The following STARD8 variants were observed in gnomAD, a reference collection of about 807,000 sequenced individuals.
STARD8 encodes the protein StAR related lipid transfer domain containing 8.
Under a neutral mutation model 69.4 loss-of-function variants are expected in STARD8, and 25 were observed. That is an observed-to-expected ratio of 0.36 (90% CI 0.26 to 0.50). The LOEUF is 0.50. Among genes scored for constraint, STARD8 ranks in the 20% least tolerant of loss-of-function variants. The pLI, the probability that STARD8 is intolerant of heterozygous loss-of-function variation, is 0.96. For missense variants in STARD8, 921 were observed against 932.5 expected, an observed-to-expected ratio of 0.99 and a Z score of 0.16; for synonymous variants, 389 against 374.6, an observed-to-expected ratio of 1.04 and a Z score of -0.45.
chrX:68,666,215 T>C (rs925596681), intron 2 of STARD8, among the ~76,000 whole-genome samples: 1 of 111,648 alleles, frequency 9.0e-6, no homozygotes, highest in African/African-American at 3.3e-5. Context: ...GAAAGAAGGC[T>C]ACTGGCCAGG....
intron 1 of STARD8, among the ~76,000 whole-genome samples, chrX:68,658,801 A>G (rs891426026): frequency 8.9e-6 from 1 of 112,718 alleles, no homozygotes; most frequent in Non-Finnish European, 1.9e-5. Context: ...CCTCAACTCC[A>G]TCCCTCTGGG....
chrX:68,657,149 A>G (rs915628605), intron 1 of STARD8, among the ~76,000 whole-genome samples: 1 of 112,148 alleles, frequency 8.9e-6, no homozygotes, highest in East Asian at 2.8e-4. Flanking sequence ...AGGGGCACAT[A>G]GTAAGCATTG....
At position 68,720,114 on chromosome X, in the gene STARD8, G is replaced by T. The variant is rs2080133758; in HGVS notation, c.1890-150G>T. 6.5e-6 allele frequency: 4 copies of T among 619,688 alleles called. No individual in the cohort carries two copies. In the East Asian group the frequency reaches 1.7e-4, roughly 27 times the overall value. The allele number at this position is 619,688 out of a possible 1,213,427, so 51.1% of individuals were successfully genotyped here. A position where few individuals can be genotyped will look rare whatever the true frequency, so the allele number is the denominator to read the frequency against. The stretch of plus-strand genomic sequence containing the variant: ...CTGTGTTCCTCTGTGACTCCCTGGG[G>T]CTGGGCCCAAAACAGGTGCTCAATG... On this transcript the variant is annotated intron_variant, in intron 7 of 14. Coordinates refer to ENST00000374599, the MANE Select transcript of STARD8 (RefSeq NM_001142503.3).
chrX:68,684,839 T>C (rs1240565717), intron 2 of STARD8, among the ~76,000 whole-genome samples: 3 of 112,681 alleles, frequency 2.7e-5, no homozygotes, highest in African/African-American at 6.5e-5. Flanking sequence ...TCTGCCTTGG[T>C]TCTGAAACAA....
At position 68,723,710 on chromosome X, in the gene STARD8, C is replaced by A; in HGVS notation, c.2884C>A (p.Arg962=). The change falls in exon 13 of 15, where the codon CGG becomes AGG. Residue 962 remains arginine (R), a synonymous_variant. Coordinates refer to ENST00000374599, the MANE Select transcript of STARD8 (RefSeq NM_001142503.3). ...PPAVVLHRVL[R]ERALWDEDLL... Reference sequence around the variant, plus strand: ...AGCTGTGGTGCTGCATCGTGTTCTCCGGGAGCGGGCCCTCTGGGATGAGGA... The same window carrying A: ...AGCTGTGGTGCTGCATCGTGTTCTCAGGGAGCGGGCCCTCTGGGATGAGGA... 1 of 1,194,532 alleles carries A rather than the reference C, an allele frequency of 8.4e-7. No individual in the cohort carries two copies. Among genetic ancestry groups the A allele is most frequent in the Non-Finnish European group, 1.1e-6 (1 of 886,705 alleles).
At chrX:68,651,519 G>C (rs1048766839) in intron 1 of STARD8, among the ~76,000 whole-genome samples, 2 of 112,127 alleles carry the variant, frequency 1.8e-5, no homozygotes, top group African/African-American at 6.5e-5. Flanking sequence ...GAGTGCGGGA[G>C]ACTGAGGGGT....
In STARD8 at chrX:68,723,706, T is replaced by C. The variant is rs780086473; in HGVS notation, c.2880T>C (p.Val960=). Residue 960 remains valine, a synonymous_variant, in exon 13 of 15, where the codon GTT becomes GTC. Transcript: ENST00000374599. ...AAPPAVVLHR[V]LRERALWDED... is the part of the protein sequence containing the mutation. Reference sequence around the variant, plus strand: ...CCCCAGCTGTGGTGCTGCATCGTGTTCTCCGGGAGCGGGCCCTCTGGGATG... The same window carrying C: ...CCCCAGCTGTGGTGCTGCATCGTGTCCTCCGGGAGCGGGCCCTCTGGGATG... 10 of 1,194,364 alleles carry C rather than the reference T, an allele frequency of 8.4e-6. No homozygotes were observed. Among genetic ancestry groups the C allele is most frequent in the Non-Finnish European group, 1.1e-5 (10 of 887,387 alleles).
intron 1 of STARD8, among the ~76,000 whole-genome samples, chrX:68,650,391 A>T (rs1199199705): frequency 1.9e-5 from 2 of 102,923 alleles, no homozygotes; most frequent in African/African-American, 7.1e-5. Context: ...GCACCACTAC[A>T]CTCCAGCCTG....
chrX:68,693,620 C>T (rs1197133830), intron 2 of STARD8: 11 of 752,841 alleles, frequency 1.5e-5, no homozygotes, highest in African/African-American at 2.3e-5. Context: ...CCCTACTCGC[C>T]GACGCTCCCT....
chrX:68,718,635 A>T lies in STARD8; in HGVS notation c.1715+6A>T. On this transcript the variant is annotated splice_donor_region_variant and intron_variant, in intron 6 of 14. Transcript: ENST00000374599. ...TCACTTACCAGACCCTGCAGGTGAGAGTTTGGGTTGGGATGGGGCGGACGC... is the reference window on the plus strand; with the variant it reads ...TCACTTACCAGACCCTGCAGGTGAGTGTTTGGGTTGGGATGGGGCGGACGC... 1.7e-6 allele frequency: 2 copies of T among 1,184,315 alleles called. No homozygotes were observed. Among genetic ancestry groups the T allele is most frequent in the Non-Finnish European group, 2.3e-6 (2 of 882,033 alleles).
At chrX:68,719,500 C>T (rs1569373086) in intron 7 of STARD8, 102 bp downstream of exon 7, 3 of 943,972 alleles carry the variant, frequency 3.2e-6, no homozygotes, top group East Asian at 7.2e-5. Flanking sequence ...GCAGGGCCCA[C>T]AGGCCAGGGG....
At chrX:68,653,208 A>C (rs2079576819) in intron 1 of STARD8, among the ~76,000 whole-genome samples, 1 of 41,086 alleles carries the variant, frequency 2.4e-5, no homozygotes, top group African/African-American at 1.0e-4. Context: ...CACACACACC[A>C]CACCACACAA....
chrX:68,668,140 TTTTC>T (rs1223557573), intron 2 of STARD8, among the ~76,000 whole-genome samples: 2 of 103,574 alleles, frequency 1.9e-5, no homozygotes, highest in South Asian at 4.6e-4. Context: ...TTTCTCTTTC[TTTTC>T]TTTCTTTCTT....
At chrX:68,687,394 A>T (rs1392208580) in intron 2 of STARD8, among the ~76,000 whole-genome samples, 2 of 111,514 alleles carry the variant, frequency 1.8e-5, no homozygotes, top group African/African-American at 6.5e-5. Flanking sequence ...TAATTGTTAT[A>T]CTCACTCACT....
At chrX:68,683,880 A>G (rs1260612864) in intron 2 of STARD8, among the ~76,000 whole-genome samples, 1 of 112,009 alleles carries the variant, frequency 8.9e-6, no homozygotes, top group Non-Finnish European at 1.9e-5. Flanking sequence ...GATGATTACC[A>G]CCGTTATATA....
At chrX:68,656,631 A>G (rs2079612324) in intron 1 of STARD8, 1 of 112,380 alleles carries the variant, frequency 8.9e-6, no homozygotes, top group Non-Finnish European at 1.9e-5. Flanking sequence ...GATAGACTGG[A>G]TTAAGACAAT....
intron 1 of STARD8, among the ~76,000 whole-genome samples, chrX:68,653,743 C>CCACA (rs1344880105): frequency 3.8e-4 from 37 of 97,411 alleles, no homozygotes; most frequent in African/African-American, 1.4e-3. Flanking sequence ...ACACCACACG[C>CCACA]CACACACACA....
At chrX:68,707,542 C>T (rs973478102) in intron 2 of STARD8, among the ~76,000 whole-genome samples, 12 of 111,714 alleles carry the variant, frequency 1.1e-4, no homozygotes, top group African/African-American at 2.9e-4. Flanking sequence ...CAAAAATGAA[C>T]CCTATCCCCA....
intron 2 of STARD8, among the ~76,000 whole-genome samples, chrX:68,668,057 TTTTCTTTCTTTCTTTCTTTCTTTC>T (rs1200805148): frequency 2.8e-4 from 20 of 71,566 alleles, no homozygotes; most frequent in Non-Finnish European, 3.7e-4. Context: ...TCTCTCTTTC[TTTTCTTTCTTTCTTTCTTTCTTTC>T]TTTCTTTCTT....
Sources: gnomAD v4.1 joint callset for allele counts (sites outside exome capture counted in the v4.1 genomes callset) on GRCh38, gnomAD v4.1.1 for gene constraint, MANE v1.5 for transcripts, NCBI Gene and HGNC (gene_info 2026-07-23, HGNC 2026-07-21) for gene names.